STRN4: variants seen among roughly 807,000 people sequenced by gnomAD.
STRN4 encodes the protein striatin 4, also known as striatin-4.
Under a neutral mutation model 77.9 loss-of-function variants are expected in STRN4, and 27 were observed. That is an observed-to-expected ratio of 0.35 (90% CI 0.26 to 0.48). STRN4 has a LOEUF of 0.48. Among genes scored for constraint, STRN4 ranks in the 20% least tolerant of loss-of-function variants. The probability of loss-of-function intolerance (pLI) is 0.99; values close to 1 mark genes in which losing one functional copy is unlikely to be tolerated. For missense variants in STRN4, 798 were observed against 1,049.7 expected, an observed-to-expected ratio of 0.76 and a Z score of 3.31; for synonymous variants, 466 against 443.1, an observed-to-expected ratio of 1.05 and a Z score of -0.65.
At chr19:46,728,061 G>C (rs1467234963) in intron 7 of STRN4, 54 bp from the exon 8 acceptor site, 1 of 1,533,146 alleles carries the variant, frequency 6.5e-7, no homozygotes, top group Admixed American at 1.8e-5. Flanking sequence ...ACCCAGTCTG[G>C]CATAGGTGAC....
At position 46,728,646 on chromosome 19, in the gene STRN4, G is replaced by A. The variant is rs781090427; in HGVS notation, c.1011C>T (p.Cys337=). The change falls in exon 7 of 18, where the codon TGC becomes TGT. Residue 337 remains cysteine (C), a synonymous_variant. Transcript: ENST00000263280. The part of the protein sequence containing the change: ...DGEGAPDPRR[C]TVDGSPHELE... Reference sequence around the variant, plus strand: ...GCTCATGGGGGCTCCCATCCACAGTGCACCGCCGAGGGTCTGGAGCCCCTT... The same window carrying A: ...GCTCATGGGGGCTCCCATCCACAGTACACCGCCGAGGGTCTGGAGCCCCTT... The A allele has an allele frequency of 1.2e-6, 2 of 1,613,978 alleles. No homozygotes were observed.
At chr19:46,736,776 G>C (rs993016052) in intron 4 of STRN4, 47 bp downstream of exon 4, 46 of 1,589,238 alleles carry the variant, frequency 2.9e-5, no homozygotes, top group Non-Finnish European at 3.8e-5. Context: ...TATCTCTCAA[G>C]CCAAACGTGT....
rs1418932788 is a variant in STRN4, at chr19:46,725,884, C to A, written c.1249-236G>T. 3 of 561,656 alleles carry A rather than the reference C, an allele frequency of 5.3e-6. No individual in the cohort carries two copies. In the South Asian group the frequency reaches 6.7e-5, roughly 13 times the overall value. The allele number at this position is 561,656 out of a possible 1,614,324, so 34.8% of individuals were successfully genotyped here. A position where few individuals can be genotyped will look rare whatever the true frequency, so the allele number is the denominator to read the frequency against. On this transcript the variant is annotated intron_variant, in intron 9 of 17. Coordinates refer to ENST00000263280, the MANE Select transcript of STRN4 (RefSeq NM_013403.3). ...TCTGGAGAGACAAAGGTGAGCCTGA[C>A]CCCTTGGGGTCTTGCAGTTGAGAGG... is the stretch of plus-strand genomic sequence containing the variant.
intron 11 of STRN4, 144 bp from the exon 12 acceptor site, chr19:46,725,072 A>G (rs1459839016): frequency 1.5e-6 from 2 of 1,316,802 alleles, no homozygotes; most frequent in African/African-American, 2.9e-5. Flanking sequence ...TACCTGGACA[A>G]GCTGCCTGTC....
intron 1 of STRN4, among the ~76,000 whole-genome samples, chr19:46,740,552 C>G (rs1158263515): frequency 6.6e-6 from 1 of 151,998 alleles, no homozygotes; most frequent in Non-Finnish European, 1.5e-5. Context: ...GACCGACCAC[C>G]GAAGACAAGT....
In STRN4 at chr19:46,727,442, G is replaced by A; in HGVS notation, c.1248+10C>T. On this transcript the variant is annotated intron_variant, in intron 9 of 17. Coordinates refer to ENST00000263280, the MANE Select transcript of STRN4 (RefSeq NM_013403.3). ...ATGGGGACAGTGTGGGGGGCACCCG[G>A]AGAACTTACATCGCAGCTGAGGTCG... 1 of 1,611,830 alleles carries A rather than the reference G, an allele frequency of 6.2e-7. No homozygotes were observed. Among genetic ancestry groups the A allele is most frequent in the Non-Finnish European group, 8.5e-7 (1 of 1,178,448 alleles).
At position 46,728,609 on chromosome 19, in the gene STRN4, T is replaced by C. The variant is rs888147247; in HGVS notation, c.1039+9A>G. 2 of 1,609,242 alleles carry C rather than the reference T, an allele frequency of 1.2e-6. No homozygotes were observed. The highest frequency in any genetic ancestry group is 2.7e-5 in the African/African-American group (2 of 74,750). On this transcript the variant is annotated intron_variant, in intron 7 of 17. Transcript: ENST00000263280. ...GCAAGCGGGGGCTGGCCAGAAAACG[T>C]CAGCTCACCCAGCTCATGGGGGCTC...
chr19:46,742,666 G>A (rs1311708793), intron 1 of STRN4, among the ~76,000 whole-genome samples: 2 of 152,014 alleles, frequency 1.3e-5, no homozygotes, highest in African/African-American at 4.8e-5. Context: ...GGGTACAAGC[G>A]ATTCTCCTGC....
intron 1 of STRN4, chr19:46,745,830 TCAGTCC>T (rs752325357): frequency 4.1e-5 from 10 of 241,810 alleles, no homozygotes; most frequent in South Asian, 1.1e-4. Flanking sequence ...GCCAGCGTGC[TCAGTCC>T]CAGTCCCAGT....
At chr19:46,727,753 C>T in intron 8 of STRN4, 141 bp downstream of exon 8, 2 of 825,008 alleles carry the variant, frequency 2.4e-6, no homozygotes, top group Non-Finnish European at 3.7e-6. Flanking sequence ...GACAGACAGA[C>T]AGACGAACTT....
At position 46,746,143 on chromosome 19, in the gene STRN4, G is replaced by A; in HGVS notation, c.282+6C>T. The A allele has an allele frequency of 1.3e-6, 2 of 1,511,638 alleles. No individual in the cohort carries two copies. Among genetic ancestry groups the A allele is most frequent in the Admixed American group, 2.0e-5 (1 of 48,958 alleles). The allele number at this position is 1,511,638 out of a possible 1,614,324, so 93.6% of individuals were successfully genotyped here. A position where few individuals can be genotyped will look rare whatever the true frequency, so the allele number is the denominator to read the frequency against. ...TGGGGGTCGGGGGTCCCGGGACAGC[G>A]CTCACCTGTAACTCGGCGCGCTCGG... On this transcript the variant is annotated splice_donor_region_variant and intron_variant, in intron 1 of 17. Transcript: ENST00000263280.
Position 46,733,379 on chromosome 19 carries a change from G to A in STRN4, c.540-143C>T, listed in dbSNP as rs559494793. ...CTGACATAAGCACACCCTCGCTCCAGCAGTTCCCCGTCAAGGCTATTTCCA... is the reference window on the plus strand; with the variant it reads ...CTGACATAAGCACACCCTCGCTCCAACAGTTCCCCGTCAAGGCTATTTCCA... On this transcript the variant is annotated intron_variant, in intron 4 of 17. Coordinates refer to ENST00000263280, the MANE Select transcript of STRN4 (RefSeq NM_013403.3). The surrounding 1 kb of genome is among the most constrained non-coding windows in gnomAD (Gnocchi z 4.3). The A allele has an allele frequency of 1.2e-4, 83 of 710,840 alleles. No homozygotes were observed. In the African/African-American group the frequency reaches 1.3e-3, roughly 12 times the overall value. 44.0% of individuals were successfully genotyped at this position (710,840 alleles called of 1,614,324 possible). A position where few individuals can be genotyped will look rare whatever the true frequency, so the allele number is the denominator to read the frequency against.
chr19:46,725,779 G>C, intron 9 of STRN4, 131 bp from the exon 10 acceptor site: 1 of 1,208,326 alleles, frequency 8.3e-7, no homozygotes, highest in Non-Finnish European at 1.1e-6. Flanking sequence ...CAGAGCCTGG[G>C]CTCCAGCCGG....
chr19:46,741,240 G>T lies in STRN4; in HGVS notation c.283-2352C>A, dbSNP rs916392850. On this transcript the variant is annotated intron_variant, in intron 1 of 17. Coordinates refer to ENST00000263280, the MANE Select transcript of STRN4 (RefSeq NM_013403.3). The surrounding 1 kb of genome is among the most constrained non-coding windows in gnomAD (Gnocchi z 4.9). ...CGGTAGTGGCTTGGACTAGGCCGGG[G>T]CAGTGGACACAGTAGTGGTCTATCT... 6.6e-6 allele frequency among the ~76,000 whole-genome samples: 1 copy of T among 152,128 alleles called. No individual in the cohort carries two copies. The highest frequency in any genetic ancestry group is 2.4e-5 in the African/African-American group (1 of 41,422).
chr19:46,726,337 A>C (rs1396979028), intron 9 of STRN4: 1 of 152,338 alleles, frequency 6.6e-6, no homozygotes, highest in Non-Finnish European at 1.5e-5. Context: ...AGAGGCTCAG[A>C]TTAGGGGCAG....
At chr19:46,732,242 A>AC (rs1419633637) in intron 5 of STRN4, 3 of 151,812 alleles carry the variant, frequency 2.0e-5, no homozygotes, top group African/African-American at 7.3e-5. Flanking sequence ...CTCCTCTGTG[A>AC]CCCTCCCACA....
rs559130358 is a variant in STRN4, at chr19:46,721,186, TGAGGCAGGAG to T, written c.2093-425_2093-416del. On this transcript the variant is annotated intron_variant, in intron 16 of 17. Transcript: ENST00000263280. ...GCAGAAGGACAGGCGGGAAAGGTCC[TGAGGCAGGAG>T]GTGGGGGTGGCCACAAGAGCCTTAG... is the stretch of plus-strand genomic sequence containing the variant. 2.5e-3 allele frequency: 393 copies of T among 159,688 alleles called. 3 individuals carry two copies. Among genetic ancestry groups the T allele is most frequent in the African/African-American group, 8.1e-3 (337 of 41,806 alleles). The allele number at this position is 159,688 out of a possible 1,614,324, so 9.9% of individuals were successfully genotyped here.
Position 46,733,241 on chromosome 19 carries a change from A to T in STRN4, c.540-5T>A. The T allele has an allele frequency of 6.2e-7, 1 of 1,608,488 alleles. No individual in the cohort carries two copies. The highest frequency in any genetic ancestry group is 1.1e-5 in the South Asian group (1 of 90,940). On this transcript the variant is annotated splice_polypyrimidine_tract_variant and splice_region_variant and intron_variant, in intron 4 of 17. Coordinates refer to ENST00000263280, the MANE Select transcript of STRN4 (RefSeq NM_013403.3). The surrounding 1 kb of genome is among the most constrained non-coding windows in gnomAD (Gnocchi z 4.3). ...TAGCCCACCTCTTCCAGGTACCTGC[A>T]GGGGTGCAGAGCCACGTGGGTCAGA...
Position 46,741,605 on chromosome 19 carries a change from C to CCCA in STRN4, c.283-2718_283-2717insTGG, listed in dbSNP as rs1221015218. ...AGGGTCGGTCGGGGATCTGGAAGTG[C>CCCA]CGCTCACCATATCCACCCACTGCCA... On this transcript the variant is annotated intron_variant, in intron 1 of 17. Transcript: ENST00000263280. The surrounding 1 kb of genome is among the most constrained non-coding windows in gnomAD (Gnocchi z 4.9). Among the ~76,000 whole-genome samples the CCCA allele has an allele frequency of 6.6e-6, 1 of 152,208 alleles. No homozygotes were observed. Among genetic ancestry groups the CCCA allele is most frequent in the Non-Finnish European group, 1.5e-5 (1 of 68,040 alleles).
Sources: allele counts gnomAD v4.1 joint callset (sites outside exome capture counted in the v4.1 genomes callset), GRCh38; gene constraint gnomAD v4.1.1; non-coding constraint Gnocchi (gnomAD v3.1); transcripts MANE v1.5; gene names NCBI Gene and HGNC (gene_info 2026-07-23, HGNC 2026-07-21).